Variants in CACNB2 observed in about 807,000 individuals in gnomAD.
CACNB2 encodes the protein calcium voltage-gated channel auxiliary subunit beta 2, also known as voltage-dependent L-type calcium channel subunit beta-2.
Under a neutral mutation model 73.3 loss-of-function variants are expected in CACNB2, and 42 were observed. That is an observed-to-expected ratio of 0.57 (90% CI 0.45 to 0.74). The LOEUF is 0.74. CACNB2 is among the 30% of genes least tolerant of loss of function. The probability of loss-of-function intolerance (pLI) is 0.00; values close to 1 mark genes in which losing one functional copy is unlikely to be tolerated. For synonymous variants in CACNB2, 348 were observed against 310.3 expected (o/e 1.12, Z -1.28); for missense variants, 940 against 853.0 (o/e 1.10, Z -1.27).
intron 2 of CACNB2, among the ~76,000 whole-genome samples, chr10:18,241,723 T>G (rs2036658534): frequency 6.6e-6 from 1 of 152,148 alleles, no homozygotes; most frequent in South Asian, 2.1e-4. Context: ...CTGGGCAATT[T>G]AGATTATATT....
At chr10:18,155,243 A>G (rs539925691) in intron 2 of CACNB2, among the ~76,000 whole-genome samples, 4 of 152,306 alleles carry the variant, frequency 2.6e-5, no homozygotes, top group Admixed American at 2.6e-4. Flanking sequence ...CACCATCCTT[A>G]CTTCCAATAC....
chr10:18,499,161 A>G (rs770408696), intron 4 of CACNB2, among the ~76,000 whole-genome samples: 4 of 152,168 alleles, frequency 2.6e-5, no homozygotes, highest in Non-Finnish European at 5.9e-5. Flanking sequence ...CCCCTGTAGA[A>G]TATTCTCAGT....
Position 18,539,698 on chromosome 10 carries a change from A to G in CACNB2, c.1957A>G (p.Asn653Asp). ...AAAACGGAATGAGGCTGGGGAGTGG[A>G]ACAGGGATGTTTACATCCGCCAATG... ...SKKRNEAGEW[N>D]RDVYIRQ Residue 653 changes from asparagine (N) to aspartate (D), a missense_variant, in exon 14 of 14, where the codon AAC becomes GAC. By Grantham distance (23) the Asn-to-Asp change is conservative. Transcript: ENST00000324631. 5 of 1,612,090 alleles carry G rather than the reference A, an allele frequency of 3.1e-6. No individual in the cohort carries two copies. Among genetic ancestry groups the G allele is most frequent in the African/African-American group, 1.3e-5 (1 of 74,720 alleles).
At chr10:18,347,855 A>G (rs1040746745) in intron 2 of CACNB2, among the ~76,000 whole-genome samples, 1 of 152,210 alleles carries the variant, frequency 6.6e-6, no homozygotes, top group African/African-American at 2.4e-5. Context: ...AATGAGATTT[A>G]ATGTTCAATA....
chr10:18,458,026 T>C (rs967861829), intron 3 of CACNB2, among the ~76,000 whole-genome samples: 14 of 152,214 alleles, frequency 9.2e-5, no homozygotes, highest in Admixed American at 3.3e-4. Flanking sequence ...TACAGACACA[T>C]TTCACTAAGC....
At chr10:18,165,782 G>A (rs974164181) in intron 2 of CACNB2, among the ~76,000 whole-genome samples, 1 of 152,158 alleles carries the variant, frequency 6.6e-6, no homozygotes, top group Non-Finnish European at 1.5e-5. Flanking sequence ...AAATAAGAGT[G>A]TATTTTTATA....
intron 1 of CACNB2, chr10:18,141,239 G>GGCCCGCCC: frequency 1.4e-6 from 1 of 723,964 alleles, no homozygotes; most frequent in Non-Finnish European, 2.4e-6. Flanking sequence ...GGCGGGAGGG[G>GGCCCGCCC]GCCCGCTTCC....
At chr10:18,525,983 G>A (rs568188878) in intron 9 of CACNB2, among the ~76,000 whole-genome samples, 1 of 152,138 alleles carries the variant, frequency 6.6e-6, no homozygotes, top group East Asian at 1.9e-4. Context: ...TGTCATAATT[G>A]ATTTTTCTGT....
chr10:18,443,007 T>C (rs1190719401), intron 3 of CACNB2, among the ~76,000 whole-genome samples: 2 of 32,774 alleles, frequency 6.1e-5, no homozygotes, highest in South Asian at 7.4e-4. Context: ...TGTGTATATA[T>C]ATATATGTAT....
At position 18,460,030 on chromosome 10, in the gene CACNB2, T is replaced by A. The variant is rs767381870; in HGVS notation, c.334-38325T>A. ...AAGGAAAAAAAGTCGAATACTAACA[T>A]ATTTGGGTTTCATTTAAGAAAATCA... On this transcript the variant is annotated intron_variant, in intron 3 of 13. Transcript: ENST00000324631. Among the ~76,000 whole-genome samples, 25 of 152,138 alleles carry A rather than the reference T, an allele frequency of 1.6e-4. No individual in the cohort carries two copies. In the South Asian group the frequency reaches 1.7e-3, roughly 10 times the overall value.
intron 2 of CACNB2, among the ~76,000 whole-genome samples, chr10:18,376,154 A>G (rs2042790137): frequency 6.6e-6 from 1 of 152,228 alleles, no homozygotes; most frequent in African/African-American, 2.4e-5. Flanking sequence ...GTGGAGTACT[A>G]TTCAGCCATA....
intron 2 of CACNB2, among the ~76,000 whole-genome samples, chr10:18,394,214 C>G (rs1236069130): frequency 4.6e-5 from 7 of 152,108 alleles, no homozygotes; most frequent in Non-Finnish European, 7.3e-5. Flanking sequence ...GCCTCGGCCT[C>G]CCAAAGTGCT....
At chr10:18,158,926 A>AT (rs1014374273) in intron 2 of CACNB2, among the ~76,000 whole-genome samples, 15 of 152,210 alleles carry the variant, frequency 9.9e-5, no homozygotes, top group Admixed American at 5.2e-4. Context: ...AGTACTGGTT[A>AT]TCAAAGTTAA....
At chr10:18,527,565 T>C (rs746972792) in intron 9 of CACNB2, 23 bp from the exon 10 acceptor site, 1 of 1,525,964 alleles carries the variant, frequency 6.6e-7, no homozygotes, top group South Asian at 1.1e-5. Flanking sequence ...CTTAAGGTCT[T>C]CTGTGACTTT....
At position 18,506,549 on chromosome 10, in the gene CACNB2, TA is replaced by T; in HGVS notation, c.670+4del. ...GAAAATCAACACCTCCATCATCTGG[TA>T]AGTAGGTGATAAATGCTGAATAATA... On this transcript the variant is annotated splice_donor_region_variant and intron_variant, in intron 6 of 13. Transcript: ENST00000324631. 2 of 1,559,886 alleles carry T rather than the reference TA, an allele frequency of 1.3e-6. No individual in the cohort carries two copies. The highest frequency in any genetic ancestry group is 1.8e-6 in the Non-Finnish European group (2 of 1,130,908).
intron 2 of CACNB2, among the ~76,000 whole-genome samples, chr10:18,248,913 C>T (rs1450512377): frequency 6.6e-6 from 1 of 152,130 alleles, no homozygotes; most frequent in African/African-American, 2.4e-5. Flanking sequence ...TCAGCAGACA[C>T]ACATAGTGGG....
At chr10:18,421,185 T>C (rs984053723) in intron 3 of CACNB2, among the ~76,000 whole-genome samples, 2 of 151,760 alleles carry the variant, frequency 1.3e-5, no homozygotes, top group Admixed American at 1.3e-4. Flanking sequence ...TACTCAATAA[T>C]CTTAGCCCTT....
intron 2 of CACNB2, among the ~76,000 whole-genome samples, chr10:18,165,038 A>G (rs1418356941): frequency 6.6e-6 from 1 of 152,158 alleles, no homozygotes; most frequent in African/African-American, 2.4e-5. Context: ...ATATTAAAGT[A>G]TTGATGTACT....
chr10:18,513,609 C>G (rs1393485491), intron 6 of CACNB2: 1 of 314,928 alleles, frequency 3.2e-6, no homozygotes, highest in Non-Finnish European at 6.2e-6. Context: ...ATTTTGAACT[C>G]GAATAAGAAA....
Sources: gnomAD v4.1 joint callset for allele counts (sites outside exome capture counted in the v4.1 genomes callset) on GRCh38, gnomAD v4.1.1 for gene constraint, MANE v1.5 for transcripts, NCBI Gene and HGNC (gene_info 2026-07-23, HGNC 2026-07-21) for gene names.